Variants in RALGAPB observed in about 807,000 individuals in gnomAD.
The protein encoded by RALGAPB is Ral GTPase activating protein non-catalytic subunit beta, also known as ral GTPase-activating protein subunit beta.
A neutral mutation model predicts 161.1 loss-of-function variants in RALGAPB; 25 were observed. The ratio of observed to expected loss-of-function variants is 0.16; its 90% CI spans 0.11 to 0.22. The LOEUF (loss-of-function observed/expected upper bound fraction) is 0.22. Ranked by LOEUF, RALGAPB falls within the 10% of genes least tolerant of loss-of-function variation. The pLI is 1.00. For synonymous variants in RALGAPB, 629 were observed against 626.1 expected (o/e 1.00, Z -0.07); for missense variants, 1,391 against 1,815.2 (o/e 0.77, Z 4.25).
intron 22 of RALGAPB, among the ~76,000 whole-genome samples, chr20:38,557,299 G>T (rs1045329496): frequency 1.3e-5 from 2 of 152,164 alleles, no homozygotes; most frequent in African/African-American, 4.8e-5. Context: ...AGTTTCCCCT[G>T]TTATCAACAT....
intron 6 of RALGAPB, among the ~76,000 whole-genome samples, chr20:38,509,436 C>T (rs558823856): frequency 2.6e-5 from 4 of 152,342 alleles, no homozygotes; most frequent in Admixed American, 6.5e-5. Context: ...TCTAGGAACG[C>T]GTTCCCTGTG....
intron 20 of RALGAPB, among the ~76,000 whole-genome samples, chr20:38,549,636 T>C (rs901609690): frequency 4.6e-5 from 7 of 151,784 alleles, no homozygotes; most frequent in Admixed American, 1.3e-4. Context: ...TGAAATCTTT[T>C]GGGGTGCAGT....
intron 11 of RALGAPB, among the ~76,000 whole-genome samples, 189 bp from the exon 12 acceptor site, chr20:38,525,215 G>A (rs1330386466): frequency 6.6e-6 from 1 of 152,162 alleles, no homozygotes; most frequent in East Asian, 1.9e-4. Context: ...TGTAGAGTAG[G>A]CCTTACGTTT....
At chr20:38,556,397 A>G (rs1367387982) in intron 22 of RALGAPB, among the ~76,000 whole-genome samples, 1 of 152,166 alleles carries the variant, frequency 6.6e-6, no homozygotes, top group African/African-American at 2.4e-5. Context: ...CTAAGAGGTA[A>G]AAATCATTGG....
intron 18 of RALGAPB, among the ~76,000 whole-genome samples, chr20:38,545,401 T>G (rs1321056502): frequency 4.6e-5 from 7 of 152,196 alleles, no homozygotes. Flanking sequence ...GTACCATTAT[T>G]CCCATTTTAT....
chr20:38,574,746 G>T, intron 29 of RALGAPB, 28 bp from the exon 30 acceptor site: 2 of 1,591,400 alleles, frequency 1.3e-6, no homozygotes, highest in East Asian at 4.5e-5. Flanking sequence ...AGTTTCTAAC[G>T]TTTATTTTAA....
intron 2 of RALGAPB, among the ~76,000 whole-genome samples, chr20:38,490,431 A>G (rs1448418922): frequency 6.7e-6 from 1 of 150,134 alleles, no homozygotes; most frequent in Non-Finnish European, 1.5e-5. Context: ...GATGGTCTCA[A>G]TCTCCTGACC....
At chr20:38,490,499 C>T (rs1297284550) in intron 2 of RALGAPB, among the ~76,000 whole-genome samples, 2 of 150,354 alleles carry the variant, frequency 1.3e-5, no homozygotes, top group South Asian at 2.1e-4. Flanking sequence ...TGAGCCACCG[C>T]GCCCGGCCTA....
At chr20:38,566,238 CCTGTCTTACTCT>C (rs1476982854) in intron 25 of RALGAPB, among the ~76,000 whole-genome samples, 1 of 152,138 alleles carries the variant, frequency 6.6e-6, no homozygotes, top group East Asian at 1.9e-4. Flanking sequence ...TAGGCCCCTC[CCTGTCTTACTCT>C]CTGGGGCCGG....
At chr20:38,542,578 T>C (rs760479655) in intron 18 of RALGAPB, among the ~76,000 whole-genome samples, 31 of 152,064 alleles carry the variant, frequency 2.0e-4, no homozygotes, top group South Asian at 2.1e-4. Context: ...AAGAAGACCA[T>C]GTGTGGGCCA....
chr20:38,489,076 G>A (rs372226543), intron 2 of RALGAPB, among the ~76,000 whole-genome samples: 1 of 152,142 alleles, frequency 6.6e-6, no homozygotes, highest in Non-Finnish European at 1.5e-5. Flanking sequence ...GCTCTCCCCT[G>A]TCCCCATCCC....
chr20:38,484,569 G>C (rs2085064336), intron 1 of RALGAPB, among the ~76,000 whole-genome samples: 1 of 152,062 alleles, frequency 6.6e-6, no homozygotes, highest in Non-Finnish European at 1.5e-5. Context: ...ATTTTGTTTT[G>C]AGTTTAGTTG....
chr20:38,556,852 T>C (rs1282412180), intron 22 of RALGAPB, among the ~76,000 whole-genome samples: 2 of 152,256 alleles, frequency 1.3e-5, no homozygotes, highest in African/African-American at 4.8e-5. Context: ...AAATTTTTTA[T>C]ATATTTGTAG....
At chr20:38,527,382 A>G (rs1269835971) in intron 13 of RALGAPB, among the ~76,000 whole-genome samples, 1 of 152,206 alleles carries the variant, frequency 6.6e-6, no homozygotes, top group Non-Finnish European at 1.5e-5. Flanking sequence ...ATATTTATCC[A>G]GAGACACCTA....
rs1019623046 is a variant in RALGAPB, at chr20:38,502,080, T to C, written c.740+2447T>C. ...ATAGGTAAAGAAATGTAAACAAACA[T>C]AAAAGCTGCAGTATTAAATCATAAT... On this transcript the variant is annotated intron_variant, in intron 5 of 29. Coordinates refer to ENST00000262879, the MANE Select transcript of RALGAPB (RefSeq NM_020336.4). Among the ~76,000 whole-genome samples the C allele has an allele frequency of 5.9e-5, 9 of 152,114 alleles. No homozygotes were observed. The East Asian group carries it at 1.7e-3, about 29-fold the overall frequency.
rs1488638422 is a variant in RALGAPB, at chr20:38,525,959, T to C, written c.1967T>C (p.Leu656Pro). The change falls in exon 13 of 30, where the codon CTG becomes CCG. Residue 656 changes from leucine (L) to proline (P), a missense_variant. This residue lies in a region of RALGAPB where 946 missense variants were observed against 1,257.2 expected (regional missense o/e 0.75). Coordinates refer to ENST00000262879, the MANE Select transcript of RALGAPB (RefSeq NM_020336.4). The part of the protein sequence containing the change: ...SSSYDKPITF[L>P]SLKLRLVNIL... ...TCTTATGATAAACCAATAACTTTTC[T>C]GTCCCTGAAGTTGAGACTTGTGAAT... 1 of 1,613,962 alleles carries C rather than the reference T, an allele frequency of 6.2e-7. No individual in the cohort carries two copies. The highest frequency in any genetic ancestry group is 8.5e-7 in the Non-Finnish European group (1 of 1,179,812).
chr20:38,477,518 C>CT (rs1393577099), intron 1 of RALGAPB, among the ~76,000 whole-genome samples: 9 of 152,030 alleles, frequency 5.9e-5, no homozygotes, highest in African/African-American at 9.7e-5. Context: ...GAATACCTTC[C>CT]TTTTTTGCCA....
chr20:38,556,308 T>C (rs992422469), intron 22 of RALGAPB, among the ~76,000 whole-genome samples: 2 of 152,136 alleles, frequency 1.3e-5, no homozygotes, highest in Admixed American at 1.3e-4. Flanking sequence ...AATAAAGACA[T>C]GAGGACCTTC....
rs1329164588 is a variant in RALGAPB, at chr20:38,562,570, A to G, written c.3570A>G (p.Pro1190=). The change falls in exon 24 of 30, where the codon CCA becomes CCG. Residue 1190 remains proline (P), a synonymous_variant. Coordinates refer to ENST00000262879, the MANE Select transcript of RALGAPB (RefSeq NM_020336.4). ...TGGAGTCTTCCAGAACTGTTCAGCC[A>G]CATTTCCTAGAATTTTTGCTTTCCC... ...KNVESSRTVQ[P]HFLEFLLSLG... is the part of the protein sequence containing the mutation. The G allele has an allele frequency of 6.2e-7, 1 of 1,613,434 alleles. No individual in the cohort carries two copies. Among genetic ancestry groups the G allele is most frequent in the Admixed American group, 1.7e-5 (1 of 59,984 alleles).
Sources: gnomAD v4.1 joint callset for allele counts (sites outside exome capture counted in the v4.1 genomes callset) on GRCh38, gnomAD v4.1.1 for gene constraint, gnomAD v4.1.1 regional missense constraint, MANE v1.5 for transcripts, NCBI Gene and HGNC (gene_info 2026-07-23, HGNC 2026-07-21) for gene names.